Variants in KCNH8 observed in about 807,000 individuals in gnomAD.
KCNH8 encodes the protein voltage-gated delayed rectifier potassium channel KCNH8.
In KCNH8, 70 loss-of-function variants were observed where a neutral mutation model predicts 103.6. That is an observed-to-expected ratio of 0.68 (90% CI 0.56 to 0.82). The LOEUF (loss-of-function observed/expected upper bound fraction) is 0.82, where lower values mean the gene tolerates loss of function less well. Ranked by LOEUF, KCNH8 falls within the 40% of genes least tolerant of loss-of-function variation. KCNH8 has a pLI of 0.00. For synonymous variants in KCNH8, 498 were observed against 489.4 expected (o/e 1.02, Z -0.23); for missense variants, 1,217 against 1,329.9 (o/e 0.92, Z 1.32).
chr3:19,348,784 C>T (rs1325551486), intron 5 of KCNH8, among the ~76,000 whole-genome samples: 2 of 151,978 alleles, frequency 1.3e-5, no homozygotes, highest in African/African-American at 4.8e-5. Context: ...TGTTTGGAAA[C>T]ATTTTCAAGC....
intron 5 of KCNH8, 117 bp from the exon 6 acceptor site, chr3:19,390,364 C>T: frequency 1.3e-6 from 1 of 743,284 alleles, no homozygotes. Context: ...TCCCTTCCTT[C>T]CTGCTTGTTT....
At chr3:19,456,139 T>G (rs550176282) in intron 10 of KCNH8, among the ~76,000 whole-genome samples, 1 of 152,186 alleles carries the variant, frequency 6.6e-6, no homozygotes, top group South Asian at 2.1e-4. Flanking sequence ...AATATAGATT[T>G]TAGTCTACTT....
intron 3 of KCNH8, among the ~76,000 whole-genome samples, chr3:19,312,004 G>A (rs1044016472): frequency 6.6e-6 from 1 of 151,710 alleles, no homozygotes; most frequent in African/African-American, 2.4e-5. Context: ...TTAGACATAC[G>A]GATTGCCTTT....
chr3:19,343,020 A>G (rs2065682360), intron 4 of KCNH8, among the ~76,000 whole-genome samples: 1 of 152,252 alleles, frequency 6.6e-6, no homozygotes, highest in African/African-American at 2.4e-5. Flanking sequence ...TGAAACAAAA[A>G]TGATGCAGCA....
chr3:19,374,453 A>G (rs1369856016), intron 5 of KCNH8, among the ~76,000 whole-genome samples: 1 of 151,128 alleles, frequency 6.6e-6, no homozygotes, highest in African/African-American at 2.4e-5. Context: ...TTTGTTTTCC[A>G]TTTGCTTGGT....
intron 1 of KCNH8, among the ~76,000 whole-genome samples, chr3:19,190,331 A>C (rs1450472701): frequency 1.3e-5 from 2 of 151,966 alleles, no homozygotes; most frequent in Non-Finnish European, 2.9e-5. Flanking sequence ...GAGGAGATCC[A>C]AGGTCTTGCC....
intron 11 of KCNH8, among the ~76,000 whole-genome samples, chr3:19,483,510 G>C (rs1437398057): frequency 6.6e-6 from 1 of 152,078 alleles, no homozygotes; most frequent in Non-Finnish European, 1.5e-5. Flanking sequence ...TGGGTCTGTA[G>C]GTACTAATTT....
chr3:19,500,053 G>T (rs150020893), intron 11 of KCNH8, among the ~76,000 whole-genome samples: 3 of 151,942 alleles, frequency 2.0e-5, no homozygotes, highest in East Asian at 1.9e-4. Context: ...CCATCTCACA[G>T]GCAGAGACAC....
intron 15 of KCNH8, 30 bp from the exon 16 acceptor site, chr3:19,533,365 A>G (rs956196128): frequency 2.8e-6 from 4 of 1,441,274 alleles, no homozygotes; most frequent in African/African-American, 1.4e-5. Flanking sequence ...ACCTCTAACT[A>G]TTGTCTTTCA....
At chr3:19,426,725 A>C (rs2067034593) in intron 7 of KCNH8, among the ~76,000 whole-genome samples, 1 of 152,054 alleles carries the variant, frequency 6.6e-6, no homozygotes. Context: ...TGAACACCCA[A>C]AACTGTGACT....
At chr3:19,182,043 A>G (rs561786359) in intron 1 of KCNH8, among the ~76,000 whole-genome samples, 1 of 152,336 alleles carries the variant, frequency 6.6e-6, no homozygotes, top group South Asian at 2.1e-4. Flanking sequence ...CAGAAAACAA[A>G]CAAACAAAAA....
At position 19,220,642 on chromosome 3, in the gene KCNH8, A is replaced by G. The variant is rs756837178; in HGVS notation, c.77-33012A>G. Among the ~76,000 whole-genome samples the G allele has an allele frequency of 3.9e-5, 6 of 152,286 alleles. No homozygotes were observed. In the South Asian group the frequency reaches 8.3e-4, roughly 21 times the overall value. On this transcript the variant is annotated intron_variant, in intron 1 of 15. Transcript: ENST00000328405. ...TGGATGGCAACATTATCCATGACCA[A>G]CCATAAAACAGGAATGGTATCAAAA...
At chr3:19,527,164 T>G (rs1032810174) in intron 15 of KCNH8, among the ~76,000 whole-genome samples, 2 of 152,052 alleles carry the variant, frequency 1.3e-5, no homozygotes, top group Admixed American at 6.6e-5. Flanking sequence ...CAATTATTGC[T>G]GTTTCTACTT....
intron 5 of KCNH8, among the ~76,000 whole-genome samples, chr3:19,375,821 AACAG>A (rs1219330795): frequency 1.3e-5 from 2 of 152,020 alleles, no homozygotes; most frequent in African/African-American, 4.8e-5. Flanking sequence ...TTTTCCTTCT[AACAG>A]ACAGGGCCCT....
At chr3:19,282,868 A>G (rs1042086145) in intron 3 of KCNH8, among the ~76,000 whole-genome samples, 2 of 152,174 alleles carry the variant, frequency 1.3e-5, no homozygotes, top group African/African-American at 4.8e-5. Context: ...TTGGAGACCA[A>G]AATATCACCT....
intron 5 of KCNH8, among the ~76,000 whole-genome samples, chr3:19,369,018 G>C (rs2066050829): frequency 6.6e-6 from 1 of 151,798 alleles, no homozygotes; most frequent in Non-Finnish European, 1.5e-5. Flanking sequence ...GTATAATTAA[G>C]AGCCAAATTG....
intron 7 of KCNH8, among the ~76,000 whole-genome samples, chr3:19,406,540 T>G (rs1183465077): frequency 6.6e-6 from 1 of 152,122 alleles, no homozygotes; most frequent in Non-Finnish European, 1.5e-5. Context: ...ATTTTAAGAC[T>G]TCTGTCATTT....
At chr3:19,236,762 GGA>G (rs1491278058) in intron 1 of KCNH8, among the ~76,000 whole-genome samples, 3 of 151,182 alleles carry the variant, frequency 2.0e-5, no homozygotes, top group Admixed American at 1.3e-4. Context: ...TCTAAGACAA[GGA>G]AAAAAAAAGC....
At chr3:19,417,645 C>A (rs1210588042) in intron 7 of KCNH8, among the ~76,000 whole-genome samples, 3 of 151,974 alleles carry the variant, frequency 2.0e-5, no homozygotes, top group Non-Finnish European at 2.9e-5. Flanking sequence ...GAGAAGAGAT[C>A]ATAAAATATG....
Sources: allele counts gnomAD v4.1 joint callset (sites outside exome capture counted in the v4.1 genomes callset), GRCh38; gene constraint gnomAD v4.1.1; transcripts MANE v1.5; gene names NCBI Gene and HGNC (gene_info 2026-07-23, HGNC 2026-07-21).